The following NSG1 variants were observed in gnomAD, a reference collection of about 807,000 sequenced individuals.
NSG1 encodes neuronal vesicle trafficking associated 1.
Under a neutral mutation model 19.3 loss-of-function variants are expected in NSG1, and 9 were observed. The observed-to-expected ratio is 0.47, with a 90% CI of 0.28 to 0.81. NSG1 has a LOEUF of 0.81. Among genes scored for constraint, NSG1 ranks in the 40% least tolerant of loss-of-function variants. NSG1 has a pLI of 0.11. For synonymous variants in NSG1, 104 were observed against 107.0 expected, an observed-to-expected ratio of 0.97 and a Z score of 0.17; for missense variants, 236 against 242.4, an observed-to-expected ratio of 0.97 and a Z score of 0.18.
intron 3 of NSG1, among the ~76,000 whole-genome samples, chr4:4,393,468 CAGA>C (rs1383694817): frequency 2.0e-5 from 3 of 152,198 alleles, no homozygotes; most frequent in African/African-American, 7.2e-5. Context: ...CCTGAAGGCT[CAGA>C]AGACCATGGG....
chr4:4,415,424 C>T (rs1376343499), intron 4 of NSG1, among the ~76,000 whole-genome samples: 1 of 152,180 alleles, frequency 6.6e-6, no homozygotes, highest in Non-Finnish European at 1.5e-5. Context: ...ACACACCCCA[C>T]AGGTGAGGGT....
rs752796208 is a variant in NSG1, at chr4:4,417,399, C to A, written c.522C>A (p.Ser174=). 1.1e-5 allele frequency: 17 copies of A among 1,614,190 alleles called. No homozygotes were observed. The highest frequency in any genetic ancestry group is 1.4e-5 in the Non-Finnish European group (17 of 1,180,044). ...WMSVLSEEKL[S]EQETEAAEKS... ...CAGTTCTGTCAGAAGAGAAGCTGTCCGAGCAGGAGACTGAAGCGGCTGAGA... is the reference window on the plus strand; with the variant it reads ...CAGTTCTGTCAGAAGAGAAGCTGTCAGAGCAGGAGACTGAAGCGGCTGAGA... The change falls in exon 5 of 5, where the codon TCC becomes TCA. Residue 174 remains serine (S), a synonymous_variant. Coordinates refer to ENST00000621129, the MANE Select transcript of NSG1 (RefSeq NM_014392.5).
rs1018696992 is a variant in NSG1, at chr4:4,402,587, C to T, written c.247-6986C>T. Among the ~76,000 whole-genome samples, 24 of 151,364 alleles carry T rather than the reference C, an allele frequency of 1.6e-4. No homozygotes were observed. In the East Asian group the frequency reaches 4.4e-3, roughly 27 times the overall value. On this transcript the variant is annotated intron_variant, in intron 3 of 4. Coordinates refer to ENST00000621129, the MANE Select transcript of NSG1 (RefSeq NM_014392.5). ...ATTTTTAGTAGAGACGGGGTTTCAC[C>T]GTTTTTTAGCCAGGATGGTCTCGAT...
In NSG1 at chr4:4,391,480, C is replaced by A; in HGVS notation, c.135C>A (p.Val45=). ...TTCTCTGTTTCCTGGATAAGGTGGTCGTGAAAACTAAGACCGAGTATGAAC... is the reference window on the plus strand; with the variant it reads ...TTCTCTGTTTCCTGGATAAGGTGGTAGTGAAAACTAAGACCGAGTATGAAC... The part of the protein sequence containing the change: ...QLQFPPPDKV[V]VKTKTEYEPD... The change falls in exon 3 of 5, where the codon GTC becomes GTA. Residue 45 remains valine, a synonymous_variant. Coordinates refer to ENST00000621129, the MANE Select transcript of NSG1 (RefSeq NM_014392.5). 1 of 1,605,432 alleles carries A rather than the reference C, an allele frequency of 6.2e-7. No homozygotes were observed. Among genetic ancestry groups the A allele is most frequent in the South Asian group, 1.1e-5 (1 of 90,228 alleles).
intron 3 of NSG1, among the ~76,000 whole-genome samples, chr4:4,404,117 C>T (rs935469614): frequency 2.6e-5 from 4 of 152,210 alleles, no homozygotes; most frequent in African/African-American, 9.7e-5. Flanking sequence ...GGAGTCACTG[C>T]GAATGGCCGC....
intron 4 of NSG1, among the ~76,000 whole-genome samples, chr4:4,410,531 G>A (rs1724117941): frequency 6.6e-6 from 1 of 152,230 alleles, no homozygotes; most frequent in Admixed American, 6.5e-5. Context: ...AACCTGGACA[G>A]CATGTTGCTA....
chr4:4,388,241 T>G (rs1015859869), intron 2 of NSG1, among the ~76,000 whole-genome samples: 5 of 152,198 alleles, frequency 3.3e-5, no homozygotes, highest in Admixed American at 6.5e-5. Context: ...GTTCTCGCCC[T>G]TTCTGCCTGC....
At chr4:4,411,949 C>T (rs894776257) in intron 4 of NSG1, among the ~76,000 whole-genome samples, 2 of 151,898 alleles carry the variant, frequency 1.3e-5, no homozygotes, top group African/African-American at 4.8e-5. Context: ...TTGTCACTGT[C>T]AAGTATTATG....
intron 2 of NSG1, 22 bp downstream of exon 2, chr4:4,387,780 C>T: frequency 6.3e-7 from 1 of 1,581,142 alleles, no homozygotes; most frequent in Non-Finnish European, 8.7e-7. Flanking sequence ...CACGCCCCTC[C>T]ACGTTGCCGG....
intron 4 of NSG1, among the ~76,000 whole-genome samples, chr4:4,411,851 C>CTT (rs150578692): frequency 5.5e-5 from 8 of 146,788 alleles, no homozygotes; most frequent in South Asian, 2.2e-4. Flanking sequence ...TTAGAGTTAA[C>CTT]TTTTTTTTTT....
chr4:4,401,053 A>G (rs1723522430), intron 3 of NSG1, among the ~76,000 whole-genome samples: 1 of 151,948 alleles, frequency 6.6e-6, no homozygotes, highest in Non-Finnish European at 1.5e-5. Flanking sequence ...ATCCCTTAAC[A>G]CCCACAGCAG....
chr4:4,414,089 G>T (rs1475589145), intron 4 of NSG1, among the ~76,000 whole-genome samples: 2 of 152,070 alleles, frequency 1.3e-5, no homozygotes, highest in African/African-American at 4.8e-5. Flanking sequence ...TTCACCAGCT[G>T]CCCTGGAGCT....
intron 3 of NSG1, among the ~76,000 whole-genome samples, chr4:4,397,152 CTTT>C (rs75001083): frequency 2.9e-5 from 4 of 139,610 alleles, no homozygotes; most frequent in African/African-American, 7.9e-5. Context: ...AAGTTTTTTC[CTTT>C]TTTTTTTTTT....
At chr4:4,388,688 C>T (rs898095521) in intron 2 of NSG1, among the ~76,000 whole-genome samples, 6 of 152,176 alleles carry the variant, frequency 3.9e-5, no homozygotes, top group African/African-American at 1.4e-4. Context: ...GGGCTCTGAG[C>T]CAGGGCTCTG....
rs562859925 is a variant in NSG1, at chr4:4,400,993, G to A, written c.247-8580G>A. Among the ~76,000 whole-genome samples the A allele has an allele frequency of 1.1e-4, 17 of 152,310 alleles. No individual in the cohort carries two copies. The East Asian group carries it at 3.1e-3, about 28-fold the overall frequency. ...GTGGTTTCACACAGCTGCCAAAGAGGTCAATGACACAAACCTGGTGGAGCC... is the reference window on the plus strand; with the variant it reads ...GTGGTTTCACACAGCTGCCAAAGAGATCAATGACACAAACCTGGTGGAGCC... On this transcript the variant is annotated intron_variant, in intron 3 of 4. Coordinates refer to ENST00000621129, the MANE Select transcript of NSG1 (RefSeq NM_014392.5).
intron 3 of NSG1, among the ~76,000 whole-genome samples, chr4:4,400,003 C>G (rs1723464668): frequency 6.6e-6 from 1 of 152,210 alleles, no homozygotes; most frequent in African/African-American, 2.4e-5. Context: ...TGGACTGGTA[C>G]TGGTCTGCAG....
At chr4:4,398,563 C>T (rs1167516849) in intron 3 of NSG1, among the ~76,000 whole-genome samples, 1 of 152,196 alleles carries the variant, frequency 6.6e-6, no homozygotes, top group East Asian at 1.9e-4. Flanking sequence ...TCTATCTGGC[C>T]TCTTTCACTT....
intron 3 of NSG1, among the ~76,000 whole-genome samples, chr4:4,401,439 C>A (rs186411040): frequency 6.6e-6 from 1 of 152,112 alleles, no homozygotes; most frequent in African/African-American, 2.4e-5. Context: ...CCACACTGGT[C>A]GTAGACACTG....
At chr4:4,388,037 G>A (rs1416398152) in intron 2 of NSG1, among the ~76,000 whole-genome samples, 1 of 96,946 alleles carries the variant, frequency 1.0e-5, no homozygotes, top group East Asian at 3.8e-4. Flanking sequence ...AGCCTCATCC[G>A]AGAGGGCCCT....
Sources: gnomAD v4.1 joint callset for allele counts (sites outside exome capture counted in the v4.1 genomes callset) on GRCh38, gnomAD v4.1.1 for gene constraint, MANE v1.5 for transcripts, NCBI Gene and HGNC (gene_info 2026-07-23, HGNC 2026-07-21) for gene names.